Variants in PRELID2 observed in about 807,000 individuals in gnomAD.
The protein encoded by PRELID2 is PRELI domain containing 2, also known as PRELI domain-containing protein 2.
PRELID2 carries 25 observed loss-of-function variants against 28.4 expected under a neutral mutation model. The observed-to-expected ratio is 0.88, with a 90% CI of 0.64 to 1.23. The LOEUF is 1.23. Ranked by LOEUF, PRELID2 falls within the 50% of genes most tolerant of loss-of-function variation. PRELID2 has a pLI of 0.00. For missense variants in PRELID2, 201 were observed against 214.4 expected (o/e 0.94, Z 0.39); for synonymous variants, 76 against 71.6 (o/e 1.06, Z -0.31).
At chr5:145,669,446 C>A (rs1007127351) in intron 1 of PRELID2, among the ~76,000 whole-genome samples, 13 of 152,032 alleles carry the variant, frequency 8.6e-5, no homozygotes, top group African/African-American at 3.1e-4. Flanking sequence ...CACTGCAAAA[C>A]TCCTGTTAAC....
intron 3 of PRELID2, among the ~76,000 whole-genome samples, chr5:145,818,808 A>C (rs1404480060): frequency 6.6e-6 from 1 of 152,198 alleles, no homozygotes; most frequent in Non-Finnish European, 1.5e-5. Context: ...ACAGCACAGC[A>C]ATTTAATTTG....
rs1234653770 is a variant in PRELID2 at position 145,666,002 on chromosome 5, AG to A, written n.70+98928del. 4.4e-4 allele frequency among the ~76,000 whole-genome samples: 66 copies of A among 148,850 alleles called. No homozygotes were observed. In the East Asian group the frequency reaches 0.011, roughly 25 times the overall value. ...TCTTTTTTTTAAAAAAAAAAAAAAA[AG>A]AAAGAAAGAAAGAAAGTACTATTTA... On this transcript the variant is annotated intron_variant and non_coding_transcript_variant, in intron 1 of 2. Coordinates refer to the PRELID2 transcript ENST00000510259.
chr5:145,775,250 A>G (rs1469335387), intron 5 of PRELID2, among the ~76,000 whole-genome samples: 1 of 152,064 alleles, frequency 6.6e-6, no homozygotes, highest in African/African-American at 2.4e-5. Flanking sequence ...AAAAAAAAAA[A>G]GAAACAGTAG....
At chr5:145,267,279 A>T in the PRELID2 span, among the ~76,000 whole-genome samples, 15 of 152,278 alleles carry the variant, frequency 9.9e-5, no homozygotes, top group East Asian at 2.9e-3. Flanking sequence ...GCCCACCCAG[A>T]TTAAGAGTGG....
At chr5:145,405,111 T>A in the PRELID2 span, among the ~76,000 whole-genome samples, 2 of 152,164 alleles carry the variant, frequency 1.3e-5, no homozygotes, top group African/African-American at 4.8e-5. Flanking sequence ...AAATGTGTAA[T>A]AATATCCTGA....
the PRELID2 span, among the ~76,000 whole-genome samples, chr5:145,449,628 G>A: frequency 3.9e-5 from 6 of 152,084 alleles, no homozygotes; most frequent in Non-Finnish European, 4.4e-5. Flanking sequence ...TTCCAGCCTT[G>A]AGGCTGGGAC....
chr5:145,400,376 G>A, the PRELID2 span, among the ~76,000 whole-genome samples: 1 of 152,088 alleles, frequency 6.6e-6, no homozygotes, highest in Non-Finnish European at 1.5e-5. Context: ...TCGTCTGAGA[G>A]AAACTTTTCC....
intron 1 of PRELID2, among the ~76,000 whole-genome samples, chr5:145,595,033 CAGG>C (rs1430500942): frequency 1.3e-5 from 2 of 151,882 alleles, no homozygotes; most frequent in Admixed American, 6.6e-5. Flanking sequence ...GTGGCTGAGG[CAGG>C]AGAATTGCTT....
the PRELID2 span, among the ~76,000 whole-genome samples, chr5:145,389,760 A>T: frequency 2.6e-5 from 4 of 152,314 alleles, no homozygotes; most frequent in South Asian, 8.3e-4. Context: ...TGTCTCTGAA[A>T]TTTAAATTCT....
intron 1 of PRELID2, among the ~76,000 whole-genome samples, chr5:145,671,898 T>G (rs888031065): frequency 6.6e-6 from 1 of 152,138 alleles, no homozygotes; most frequent in East Asian, 1.9e-4. Flanking sequence ...GGAATGTTAT[T>G]GCAATCAAAG....
chr5:145,560,719 G>A (rs929287853), intron 1 of PRELID2, among the ~76,000 whole-genome samples: 1 of 152,202 alleles, frequency 6.6e-6, no homozygotes, highest in African/African-American at 2.4e-5. Flanking sequence ...GCTTCATGTT[G>A]TGAAAGAAAG....
In PRELID2 at chr5:145,831,096, T is replaced by A. The variant is rs374887944; in HGVS notation, c.75+4081A>T. On this transcript the variant is annotated intron_variant, in intron 1 of 6. Transcript: ENST00000683046. ...CTGAAAGAAAAATAAAAGTGTATTT[T>A]GCCAAAAAGATAATTCTTACTACCT... Among the ~76,000 whole-genome samples, 318 of 152,360 alleles carry A rather than the reference T, an allele frequency of 2.1e-3. 11 individuals are homozygous for A. In the South Asian group the frequency reaches 0.064, roughly 31 times the overall value.
At chr5:145,678,208 C>G (rs1334875977) in intron 1 of PRELID2, among the ~76,000 whole-genome samples, 1 of 152,158 alleles carries the variant, frequency 6.6e-6, no homozygotes, top group African/African-American at 2.4e-5. Flanking sequence ...AAGATAATTG[C>G]TTAGGCATCC....
intron 1 of PRELID2, among the ~76,000 whole-genome samples, chr5:145,491,153 A>C (rs1278076830): frequency 6.6e-6 from 1 of 152,148 alleles, no homozygotes; most frequent in African/African-American, 2.4e-5. Context: ...TTTTATTTTT[A>C]ATATATTTCT....
the PRELID2 span, among the ~76,000 whole-genome samples, chr5:145,273,455 G>A: frequency 6.6e-6 from 1 of 152,024 alleles, no homozygotes; most frequent in African/African-American, 2.4e-5. Flanking sequence ...AGGAAGAAAG[G>A]AAACCCCATA....
At chr5:145,260,668 G>A in the PRELID2 span, among the ~76,000 whole-genome samples, 86 of 152,212 alleles carry the variant, frequency 5.7e-4, no homozygotes, top group Non-Finnish European at 1.1e-3. Context: ...TCACATCAGA[G>A]AAAAGGGCAG....
chr5:145,730,168 G>T (rs1459315759), intron 1 of PRELID2, among the ~76,000 whole-genome samples: 1 of 152,056 alleles, frequency 6.6e-6, no homozygotes, highest in Non-Finnish European at 1.5e-5. Flanking sequence ...GTGTTCCAAA[G>T]GCCATGAGGA....
chr5:145,825,795 T>C (rs1004512593), intron 1 of PRELID2, among the ~76,000 whole-genome samples: 3 of 152,204 alleles, frequency 2.0e-5, no homozygotes, highest in African/African-American at 7.2e-5. Flanking sequence ...CTAACTACCA[T>C]ACTATGAAAG....
intron 1 of PRELID2, among the ~76,000 whole-genome samples, chr5:145,748,596 A>T (rs1007785704): frequency 2.0e-5 from 3 of 152,224 alleles, no homozygotes; most frequent in South Asian, 2.1e-4. Context: ...ACTACCATTG[A>T]CATTCTTCAC....
Sources: gnomAD v4.1 joint callset for allele counts (sites outside exome capture counted in the v4.1 genomes callset) on GRCh38, gnomAD v4.1.1 for gene constraint, MANE v1.5 for transcripts, NCBI Gene and HGNC (gene_info 2026-07-23, HGNC 2026-07-21) for gene names.